The following FILIP1L variants were observed in gnomAD, a reference collection of about 807,000 sequenced individuals.
FILIP1L encodes filamin A interacting protein 1 like.
FILIP1L carries 55 observed loss-of-function variants against 96.6 expected under a neutral mutation model. The ratio of observed to expected loss-of-function variants is 0.57; its 90% CI spans 0.46 to 0.71. FILIP1L has a LOEUF of 0.71. Among genes scored for constraint, FILIP1L ranks in the 30% least tolerant of loss-of-function variants. FILIP1L has a pLI of 0.00. For synonymous variants in FILIP1L, 467 were observed against 473.9 expected (o/e 0.99, Z 0.19); for missense variants, 1,304 against 1,321.2 (o/e 0.99, Z 0.20).
intron 1 of FILIP1L, among the ~76,000 whole-genome samples, chr3:100,062,099 T>C (rs1213550695): frequency 1.7e-4 from 10 of 57,410 alleles, no homozygotes; most frequent in Admixed American, 7.3e-4. Flanking sequence ...TCTTCTTTTT[T>C]TTTTTTTTTT....
rs753646644 is a variant in FILIP1L at position 99,849,110 on chromosome 3, G to A, written c.2566C>T (p.Pro856Ser). The change falls in exon 5 of 6, where the codon CCT (proline) becomes TCT (serine). Residue 856 changes from proline (P) to serine (S), a missense_variant. Pro to Ser is a moderately conservative substitution (Grantham distance 74). Transcript: ENST00000477258. ...GGAATCCATAGCTTTCTGTTAACAG[G>A]ACATGGAGTAGACTGGCTGCATTTG... ...SFKCSQSTPC[P>S]VNRKLWIPWM... is the part of the protein sequence containing the mutation. 187 of 1,614,012 alleles carry A rather than the reference G, an allele frequency of 1.2e-4. 2 individuals are homozygous for A. The highest frequency in any genetic ancestry group is 1.1e-3 in the South Asian group (100 of 91,078).
chr3:99,922,063 A>T (rs1157785653), intron 4 of FILIP1L, among the ~76,000 whole-genome samples: 2 of 152,144 alleles, frequency 1.3e-5, no homozygotes, highest in East Asian at 3.9e-4. Context: ...TCCCACCATA[A>T]ATCTGTATCA....
chr3:99,950,705 C>G (rs114325547), intron 1 of FILIP1L, among the ~76,000 whole-genome samples: 1 of 152,162 alleles, frequency 6.6e-6, no homozygotes, highest in South Asian at 2.1e-4. Flanking sequence ...TCTCTTTACA[C>G]GTTTCATATA....
intron 1 of FILIP1L, chr3:100,040,715 T>C (rs2065190791): frequency 6.6e-6 from 1 of 152,224 alleles, no homozygotes; most frequent in Non-Finnish European, 1.5e-5. Flanking sequence ...GAACAGGATG[T>C]CCTATGCCAA....
At chr3:100,108,709 CGTTT>C (rs760941608) in intron 1 of FILIP1L, among the ~76,000 whole-genome samples, 5 of 152,128 alleles carry the variant, frequency 3.3e-5, no homozygotes, top group Admixed American at 6.6e-5. Context: ...GTCTGGCACT[CGTTT>C]GTTTGTTAGA....
intron 4 of FILIP1L, among the ~76,000 whole-genome samples, chr3:99,885,199 T>C (rs1190934008): frequency 6.6e-6 from 1 of 152,232 alleles, no homozygotes; most frequent in Admixed American, 6.5e-5. Context: ...CAGCCTTCAG[T>C]TACCATTGAG....
At chr3:99,914,236 G>T (rs1706882857) in intron 4 of FILIP1L, among the ~76,000 whole-genome samples, 1 of 152,200 alleles carries the variant, frequency 6.6e-6, no homozygotes, top group South Asian at 2.1e-4. Flanking sequence ...CTTGATATAG[G>T]ATATATGAAG....
Position 99,916,208 on chromosome 3 carries a change from T to G in FILIP1L, c.605+8022A>C, listed in dbSNP as rs190002695. Among the ~76,000 whole-genome samples, 17 of 152,280 alleles carry G rather than the reference T, an allele frequency of 1.1e-4. No individual in the cohort carries two copies. In the East Asian group the frequency reaches 3.3e-3, roughly 29 times the overall value. ...AATGGAACAGAAAGCTGAAGGCAGGTTGAATTAACTGCCTGGGTTAATTGC... is the reference window on the plus strand; with the variant it reads ...AATGGAACAGAAAGCTGAAGGCAGGGTGAATTAACTGCCTGGGTTAATTGC... On this transcript the variant is annotated intron_variant, in intron 4 of 5. Coordinates refer to ENST00000477258, the MANE Select transcript of FILIP1L (RefSeq NM_001387850.1).
intron 4 of FILIP1L, among the ~76,000 whole-genome samples, chr3:99,884,019 C>G (rs1705815210): frequency 6.6e-6 from 1 of 152,148 alleles, no homozygotes; most frequent in African/African-American, 2.4e-5. Context: ...TTGTACTTCT[C>G]TCATCTGCTA....
intron 1 of FILIP1L, among the ~76,000 whole-genome samples, chr3:100,104,181 G>T (rs904322738): frequency 6.6e-6 from 1 of 152,144 alleles, no homozygotes; most frequent in Non-Finnish European, 1.5e-5. Flanking sequence ...CCCATTGCCA[G>T]TCATGCCAAG....
chr3:99,899,213 T>A (rs955704485), intron 4 of FILIP1L, among the ~76,000 whole-genome samples: 5 of 152,236 alleles, frequency 3.3e-5, no homozygotes, highest in African/African-American at 1.2e-4. Flanking sequence ...TGATCTTTAT[T>A]TTGCATCATA....
At chr3:100,060,098 G>A (rs906861169) in intron 1 of FILIP1L, among the ~76,000 whole-genome samples, 5 of 152,104 alleles carry the variant, frequency 3.3e-5, no homozygotes, top group Non-Finnish European at 5.9e-5. Flanking sequence ...CAGCTGTGCC[G>A]GGTATGGTAA....
chr3:100,039,086 A>AATTTT (rs2065158358), intron 1 of FILIP1L, among the ~76,000 whole-genome samples: 1 of 152,232 alleles, frequency 6.6e-6, no homozygotes, highest in South Asian at 2.1e-4. Context: ...TGCTTATAAA[A>AATTTT]AGAATAGGAA....
intron 1 of FILIP1L, among the ~76,000 whole-genome samples, chr3:99,948,119 A>G (rs1448611350): frequency 6.6e-6 from 1 of 152,174 alleles, no homozygotes; most frequent in African/African-American, 2.4e-5. Context: ...CTTATGTCCA[A>G]AAAATAAGTA....
chr3:100,060,217 T>A (rs1042280238), intron 1 of FILIP1L, among the ~76,000 whole-genome samples: 1 of 152,132 alleles, frequency 6.6e-6, no homozygotes, highest in Non-Finnish European at 1.5e-5. Context: ...CTAAAGATTT[T>A]TTTGATCTAC....
intron 4 of FILIP1L, among the ~76,000 whole-genome samples, chr3:99,880,180 C>G (rs1440193823): frequency 6.6e-6 from 1 of 152,208 alleles, no homozygotes; most frequent in Non-Finnish European, 1.5e-5. Context: ...AAAGAACCTT[C>G]TCTCCATGCC....
intron 1 of FILIP1L, among the ~76,000 whole-genome samples, chr3:100,092,374 G>C (rs2066125222): frequency 6.6e-6 from 1 of 151,994 alleles, no homozygotes; most frequent in Non-Finnish European, 1.5e-5. Flanking sequence ...AAAGACAATG[G>C]TATACAAGAT....
chr3:99,943,140 T>C (rs945504222), intron 1 of FILIP1L, among the ~76,000 whole-genome samples: 10 of 152,180 alleles, frequency 6.6e-5, no homozygotes, highest in Admixed American at 6.5e-4. Flanking sequence ...ACTTAATTTC[T>C]GATAACAAGA....
At chr3:100,103,843 G>C (rs140637523) in intron 1 of FILIP1L, among the ~76,000 whole-genome samples, 1,626 of 152,272 alleles carry the variant, frequency 0.011, 34 homozygotes, top group African/African-American at 0.036. Flanking sequence ...AAGAGTCTAT[G>C]CCCTGTGTGT....
Sources: gnomAD v4.1 joint callset for allele counts (sites outside exome capture counted in the v4.1 genomes callset) on GRCh38, gnomAD v4.1.1 for gene constraint, MANE v1.5 for transcripts, NCBI Gene and HGNC (gene_info 2026-07-23, HGNC 2026-07-21) for gene names.